The following ACTN1 variants were observed in gnomAD, a reference collection of about 807,000 sequenced individuals.
ACTN1 encodes the protein actinin alpha 1.
In ACTN1, 30 loss-of-function variants were observed where a neutral mutation model predicts 119.6. The ratio of observed to expected loss-of-function variants is 0.25; its 90% confidence interval spans 0.19 to 0.34. ACTN1 has a LOEUF of 0.34. ACTN1 is among the 10% of genes least tolerant of loss of function. The pLI is 1.00. For synonymous variants in ACTN1, 429 were observed against 472.6 expected, an observed-to-expected ratio of 0.91 and a Z score of 1.20; for missense variants, 764 against 1,223.4, an observed-to-expected ratio of 0.62 and a Z score of 5.60.
At chr14:68,887,521 C>T (rs2032118933) in intron 11 of ACTN1, 6 of 1,241,320 alleles carry the variant, frequency 4.8e-6, no homozygotes, top group Admixed American at 2.2e-5. Context: ...TAAGCTGACA[C>T]CCGAGACAGT....
rs975050223 is a variant in ACTN1, at chr14:68,909,347, C to G, written c.565G>C (p.Glu189Gln). ...CGCAGCTTCCCGTAGTCAATCAGCT[C>G]GGGCCGGTGTCGGTGGATCAAAGCA... ...FCALIHRHRPELIDYGKLRKD... is the reference protein window; with the variant it reads ...FCALIHRHRPQLIDYGKLRKD... Residue 189 changes from glutamate (E) to glutamine (Q), a missense_variant, in exon 6 of 22, where the codon GAG becomes CAG. By Grantham distance (29) the Glu-to-Gln change is conservative. Transcript: ENST00000394419. The surrounding 1 kb of genome is among the most constrained non-coding windows in gnomAD (Gnocchi z 4.1). The G allele has an allele frequency of 2.5e-6, 4 of 1,614,040 alleles. No individual in the cohort carries two copies. The South Asian group carries it at 4.4e-5, about 18-fold the overall frequency.
At chr14:68,883,345 G>A in intron 14 of ACTN1, 1 of 367,182 alleles carries the variant, frequency 2.7e-6, no homozygotes, top group African/African-American at 2.0e-5. Flanking sequence ...TCACTACCCA[G>A]GTGACCTCCC....
At chr14:68,953,672 T>A (rs2036245697) in intron 1 of ACTN1, among the ~76,000 whole-genome samples, 1 of 150,482 alleles carries the variant, frequency 6.6e-6, no homozygotes, top group Non-Finnish European at 1.5e-5. Context: ...AGGTCAGGAG[T>A]TCCAGACCAG....
intron 1 of ACTN1, among the ~76,000 whole-genome samples, chr14:68,933,971 C>T (rs1287534552): frequency 7.1e-6 from 1 of 140,572 alleles, no homozygotes; most frequent in African/African-American, 2.5e-5. Context: ...GAGTGAGACC[C>T]TGTCTCAAGA....
intron 1 of ACTN1, among the ~76,000 whole-genome samples, chr14:68,971,675 T>C (rs1377149301): frequency 2.0e-5 from 3 of 152,184 alleles, no homozygotes; most frequent in Non-Finnish European, 2.9e-5. Flanking sequence ...GCATCTGACA[T>C]ACACTCCATG....
chr14:68,926,261 C>A (rs888586215), intron 1 of ACTN1, among the ~76,000 whole-genome samples: 28 of 152,122 alleles, frequency 1.8e-4, no homozygotes, highest in African/African-American at 5.3e-4. Context: ...GATAGGGGCA[C>A]CCTAAGCTGC....
chr14:68,904,541 CAGA>C, intron 7 of ACTN1, 111 bp downstream of exon 7: 3 of 865,102 alleles, frequency 3.5e-6, no homozygotes, highest in East Asian at 2.5e-5. Context: ...AATGCGGTCC[CAGA>C]AGACCAGGCC....
In ACTN1 at chr14:68,880,667, TA is replaced by T; in HGVS notation, c.2133+142del. ...CATTCCTTGGGAAAGCAGAAGGTAC[TA>T]AAAATTGAAGATGTGAGGCTTCAGG... On this transcript the variant is annotated intron_variant, in intron 17 of 21. Transcript: ENST00000394419. This position sits in a 1 kb window ranked among gnomAD's most constrained non-coding sequence, Gnocchi z 4.6. 1.2e-6 allele frequency: 1 copy of T among 815,268 alleles called. No homozygotes were observed. The highest frequency in any genetic ancestry group is 1.8e-5 in the South Asian group (1 of 56,504). The allele number at this position is 815,268 out of a possible 1,614,324, so 50.5% of individuals were successfully genotyped here.
Position 68,925,752 on chromosome 14 carries a change from G to C in ACTN1, c.106-80C>G, listed in dbSNP as rs2034892403. 1 of 1,164,926 alleles carries C rather than the reference G, an allele frequency of 8.6e-7. No homozygotes were observed. Among genetic ancestry groups the C allele is most frequent in the Non-Finnish European group, 1.2e-6 (1 of 804,238 alleles). The allele number at this position is 1,164,926 out of a possible 1,614,324, so 72.2% of individuals were successfully genotyped here. A position where few individuals can be genotyped will look rare whatever the true frequency, so the allele number is the denominator to read the frequency against. ...TGGACAAGCCATTTAATGGTGCCAG[G>C]GGGTGGGAGGTGGACACCTACTCAG... On this transcript the variant is annotated intron_variant, in intron 1 of 21. Transcript: ENST00000394419. This position sits in a 1 kb window ranked among gnomAD's most constrained non-coding sequence, Gnocchi z 4.3.
intron 8 of ACTN1, among the ~76,000 whole-genome samples, chr14:68,902,034 T>C (rs2033376597): frequency 1.3e-5 from 2 of 152,246 alleles, no homozygotes; most frequent in Non-Finnish European, 2.9e-5. Flanking sequence ...TTATGATGCC[T>C]TTGCCAAGTG....
At chr14:68,935,330 T>G (rs1344735478) in intron 1 of ACTN1, among the ~76,000 whole-genome samples, 4 of 150,026 alleles carry the variant, frequency 2.7e-5, no homozygotes, top group African/African-American at 9.8e-5. Context: ...GGCAATGTGG[T>G]TGGTTTTTAT....
chr14:68,965,027 A>G (rs1420559792), intron 1 of ACTN1, among the ~76,000 whole-genome samples: 1 of 152,230 alleles, frequency 6.6e-6, no homozygotes, highest in Non-Finnish European at 1.5e-5. Flanking sequence ...ATCTGCCTTC[A>G]GAATACAGAG....
chr14:68,933,059 T>C (rs1464201268), intron 1 of ACTN1, among the ~76,000 whole-genome samples: 1 of 152,188 alleles, frequency 6.6e-6, no homozygotes, highest in African/African-American at 2.4e-5. Context: ...TTCTCCCCAC[T>C]TTAGAGATGA....
intron 1 of ACTN1, among the ~76,000 whole-genome samples, chr14:68,969,009 C>T (rs2036793700): frequency 6.6e-6 from 1 of 152,360 alleles, no homozygotes; most frequent in South Asian, 2.1e-4. Context: ...ACAGGCCCCC[C>T]AGCCAGGCAC....
chr14:68,912,794 A>G (rs939762279), intron 3 of ACTN1, among the ~76,000 whole-genome samples: 8 of 152,196 alleles, frequency 5.3e-5, no homozygotes, highest in Non-Finnish European at 8.8e-5. Flanking sequence ...ACATCAGGGA[A>G]GGCCACAGAG....
intron 7 of ACTN1, among the ~76,000 whole-genome samples, chr14:68,903,855 GA>G (rs1446299897): frequency 6.6e-6 from 1 of 152,192 alleles, no homozygotes; most frequent in Non-Finnish European, 1.5e-5. Context: ...TACACAGGGA[GA>G]GGGGCAATGG....
intron 2 of ACTN1, among the ~76,000 whole-genome samples, chr14:68,924,085 A>T (rs1359464508): frequency 2.0e-5 from 3 of 152,228 alleles, no homozygotes; most frequent in African/African-American, 7.2e-5. Flanking sequence ...AGAGACAAAA[A>T]GTAGAATGGT....
chr14:68,877,061 G>GC, intron 21 of ACTN1, 21 bp downstream of exon 21: 2 of 1,613,394 alleles, frequency 1.2e-6, no homozygotes, highest in Non-Finnish European at 1.7e-6. Context: ...CCAGCACAGT[G>GC]CCCACCCATA....
At chr14:68,960,414 TG>T (rs2036492481) in intron 1 of ACTN1, among the ~76,000 whole-genome samples, 1 of 152,204 alleles carries the variant, frequency 6.6e-6, no homozygotes, top group Non-Finnish European at 1.5e-5. Flanking sequence ...AACTTGATTG[TG>T]GTAATCATGT....
Sources: allele counts gnomAD v4.1 joint callset (sites outside exome capture counted in the v4.1 genomes callset), GRCh38; gene constraint gnomAD v4.1.1; non-coding constraint Gnocchi (gnomAD v3.1); transcripts MANE v1.5; gene names NCBI Gene and HGNC (gene_info 2026-07-23, HGNC 2026-07-21).